The following TACC3 variants were observed in gnomAD, a reference collection of about 807,000 sequenced individuals.
TACC3 encodes the protein transforming acidic coiled-coil-containing protein 3.
A neutral mutation model predicts 86.0 loss-of-function variants in TACC3; 52 were observed. The ratio of observed to expected loss-of-function variants is 0.60; its 90% CI spans 0.48 to 0.76. The LOEUF is 0.76. Ranked by LOEUF, TACC3 falls within the 30% of genes least tolerant of loss-of-function variation. TACC3 has a pLI of 0.00. For missense variants in TACC3, 1,120 were observed against 1,070.4 expected (o/e 1.05, Z -0.65); for synonymous variants, 512 against 430.0 (o/e 1.19, Z -2.36).
chr4:1,735,683 T>G lies in TACC3; in HGVS notation c.1645-48T>G. 11 of 1,443,148 alleles carry G rather than the reference T, an allele frequency of 7.6e-6. No individual in the cohort carries two copies. The highest frequency in any genetic ancestry group is 1.4e-5 in the African/African-American group (1 of 72,066). The allele number at this position is 1,443,148 out of a possible 1,614,324, so 89.4% of individuals were successfully genotyped here. ...CTCCCTGGCCCTTAGCCCCCGTGTGTGTTAGGGGATGGCAGTCAGACCTGA... is the reference window on the plus strand; with the variant it reads ...CTCCCTGGCCCTTAGCCCCCGTGTGGGTTAGGGGATGGCAGTCAGACCTGA... On this transcript the variant is annotated intron_variant, in intron 7 of 15. Transcript: ENST00000313288. The surrounding 1 kb of genome is among the most constrained non-coding windows in gnomAD (Gnocchi z 4.2).
chr4:1,737,384 G>A, intron 9 of TACC3, 56 bp downstream of exon 9: 1 of 1,524,904 alleles, frequency 6.6e-7, no homozygotes. Flanking sequence ...GGAACGAGTT[G>A]TTTTAAGGGC....
At chr4:1,729,516 G>A (rs1717896264) in intron 4 of TACC3, among the ~76,000 whole-genome samples, 1 of 152,190 alleles carries the variant, frequency 6.6e-6, no homozygotes, top group Non-Finnish European at 1.5e-5. Flanking sequence ...CGCAAGTCAC[G>A]TGTCCACTGG....
At chr4:1,744,417 G>C in intron 13 of TACC3, 101 bp from the exon 14 acceptor site, 1 of 1,093,120 alleles carries the variant, frequency 9.1e-7, no homozygotes, top group Admixed American at 2.2e-5. Flanking sequence ...CACGGCTGAT[G>C]CCCCAGACAG....
chr4:1,722,171 G>C (rs930406265), intron 1 of TACC3, among the ~76,000 whole-genome samples: 1 of 152,098 alleles, frequency 6.6e-6, no homozygotes, highest in Non-Finnish European at 1.5e-5. Context: ...GCCTGGGGCC[G>C]GTCCCTTCTC....
intron 13 of TACC3, chr4:1,741,193 A>G (rs945249453): frequency 1.9e-5 from 9 of 485,820 alleles, no homozygotes; most frequent in Non-Finnish European, 3.2e-5. Flanking sequence ...GGCAGGAGGC[A>G]GAGTGAGCAG....
chr4:1,730,669 T>A, intron 4 of TACC3: 1 of 691,264 alleles, frequency 1.4e-6, no homozygotes, highest in Non-Finnish European at 2.7e-6. Context: ...CTCCCAGAGC[T>A]GGCAGGCAAG....
At chr4:1,733,627 C>T (rs930144704) in intron 6 of TACC3, among the ~76,000 whole-genome samples, 2 of 152,066 alleles carry the variant, frequency 1.3e-5, no homozygotes, top group African/African-American at 4.8e-5. Flanking sequence ...TACTGCACTC[C>T]AGTCTGGGCG....
At chr4:1,730,689 T>C (rs1394601313) in intron 4 of TACC3, 198 bp from the exon 5 acceptor site, 2 of 729,338 alleles carry the variant, frequency 2.7e-6, no homozygotes, top group South Asian at 2.9e-5. Flanking sequence ...GGCGCGTGTT[T>C]TCCTGCTGGG....
intron 3 of TACC3, among the ~76,000 whole-genome samples, chr4:1,724,995 G>A (rs1004430664): frequency 1.4e-5 from 2 of 144,596 alleles, no homozygotes; most frequent in African/African-American, 2.6e-5. Flanking sequence ...GCAATGGTGC[G>A]ATCTTAACTC....
intron 6 of TACC3, among the ~76,000 whole-genome samples, chr4:1,734,168 C>T (rs1413975486): frequency 6.6e-6 from 1 of 152,154 alleles, no homozygotes; most frequent in East Asian, 1.9e-4. Context: ...CAGATCAAGA[C>T]CCTGTCTTAA....
In TACC3 at chr4:1,728,772, G is replaced by T; in HGVS notation, c.1370G>T (p.Gly457Val). The T allele has an allele frequency of 6.2e-7, 1 of 1,606,950 alleles. No homozygotes were observed. The change falls in exon 4 of 16, where the codon GGT becomes GTT. Residue 457 changes from glycine to valine, a missense_variant. Gly to Val is a moderately radical substitution (Grantham distance 109). Coordinates refer to ENST00000313288, the MANE Select transcript of TACC3 (RefSeq NM_006342.3). The part of the protein sequence containing the change: ...LHAGPATEEP[G>V]PCLSQQLHSA... The stretch of plus-strand genomic sequence containing the variant: ...GCTGGGCCTGCCACGGAGGAGCCAG[G>T]TCCCTGTCTGAGCCAGTAAGTGTGA...
At chr4:1,738,426 G>T (rs962849896) in intron 10 of TACC3, 14 of 157,418 alleles carry the variant, frequency 8.9e-5, no homozygotes, top group African/African-American at 3.4e-4. Flanking sequence ...CCCTGTGTCA[G>T]AGCCCGTGTG....
intron 13 of TACC3, among the ~76,000 whole-genome samples, chr4:1,744,200 T>A (rs1718731145): frequency 6.6e-6 from 1 of 152,150 alleles, no homozygotes; most frequent in African/African-American, 2.4e-5. Context: ...GGGCTGTCAG[T>A]GGTCCCAGGT....
chr4:1,736,999 C>T (rs771533665), intron 8 of TACC3, among the ~76,000 whole-genome samples: 7 of 152,168 alleles, frequency 4.6e-5, no homozygotes, highest in African/African-American at 1.7e-4. Context: ...GGTAATGAAG[C>T]GTCACCGTGC....
rs773348047 is a variant in TACC3, at chr4:1,731,293, C to G, written c.1583C>G (p.Pro528Arg). ...LELKEESFRDPAEVLGTGAEV... is the reference protein window; with the variant it reads ...LELKEESFRDRAEVLGTGAEV... ...CTGAAAGAGGAGAGCTTCAGAGACC[C>G]CGCTGAGGGTACGTTGCCTGGCACA... Residue 528 changes from proline to arginine, a missense_variant, in exon 6 of 16, where the codon CCC becomes CGC. Physicochemically the swap from Pro to Arg is moderately radical, Grantham distance 103. Transcript: ENST00000313288. The G allele has an allele frequency of 6.2e-7, 1 of 1,613,060 alleles. No individual in the cohort carries two copies. The highest frequency in any genetic ancestry group is 1.3e-5 in the African/African-American group (1 of 74,934).
Position 1,736,630 on chromosome 4 carries a change from C to T in TACC3, c.1749-611C>T, listed in dbSNP as rs1009187571. ...TGGCCTTCAAATCCTAACACATGGCCGGGCGCAGTGGCTCACACCTGGAAT... is the reference window on the plus strand; with the variant it reads ...TGGCCTTCAAATCCTAACACATGGCTGGGCGCAGTGGCTCACACCTGGAAT... On this transcript the variant is annotated intron_variant, in intron 8 of 15. Transcript: ENST00000313288. Among the ~76,000 whole-genome samples the T allele has an allele frequency of 5.9e-5, 9 of 152,078 alleles. No homozygotes were observed. The East Asian group carries it at 7.7e-4, about 13-fold the overall frequency.
rs547711075 is a variant in TACC3, at chr4:1,729,383, A to G, written c.1385+596A>G. ...AAAAGACAGCTGGGCCCGGGGGACCACTACCACCAAGGCACGGAGATCGGT... is the reference window on the plus strand; with the variant it reads ...AAAAGACAGCTGGGCCCGGGGGACCGCTACCACCAAGGCACGGAGATCGGT... On this transcript the variant is annotated intron_variant, in intron 4 of 15. Coordinates refer to ENST00000313288, the MANE Select transcript of TACC3 (RefSeq NM_006342.3). Among the ~76,000 whole-genome samples, 42 of 152,264 alleles carry G rather than the reference A, an allele frequency of 2.8e-4. No individual in the cohort carries two copies. The Middle Eastern group carries it at 0.014, about 49-fold the overall frequency.
At position 1,735,244 on chromosome 4, in the gene TACC3, A is replaced by G. The variant is rs1718194750; in HGVS notation, c.1592-29A>G. ...GCCCTTAGGGCCCTGGTGAGGGGCG[A>G]TGGCGGCGGCATGATTCACTCCTCT... On this transcript the variant is annotated intron_variant, in intron 6 of 15. Transcript: ENST00000313288. The surrounding 1 kb of genome is among the most constrained non-coding windows in gnomAD (Gnocchi z 4.2). The G allele has an allele frequency of 6.2e-7, 1 of 1,613,642 alleles. No individual in the cohort carries two copies. The highest frequency in any genetic ancestry group is 8.5e-7 in the Non-Finnish European group (1 of 1,179,990).
intron 13 of TACC3, among the ~76,000 whole-genome samples, chr4:1,743,059 C>G (rs1468759459): frequency 6.8e-6 from 1 of 147,152 alleles, no homozygotes; most frequent in Non-Finnish European, 1.5e-5. Flanking sequence ...GTCAGGAGTT[C>G]AAGACCATTC....
Sources: gnomAD v4.1 joint callset for allele counts (sites outside exome capture counted in the v4.1 genomes callset) on GRCh38, gnomAD v4.1.1 for gene constraint, Gnocchi (gnomAD v3.1) non-coding constraint, MANE v1.5 for transcripts, NCBI Gene and HGNC (gene_info 2026-07-23, HGNC 2026-07-21) for gene names.